ZNF583: variants seen among roughly 807,000 people sequenced by gnomAD.
ZNF583 encodes zinc finger protein 583.
Under a neutral mutation model 55.3 loss-of-function variants are expected in ZNF583, and 30 were observed. The ratio of observed to expected loss-of-function variants is 0.54; its 90% CI spans 0.41 to 0.74. The LOEUF (loss-of-function observed/expected upper bound fraction) is 0.74, where lower values mean the gene tolerates loss of function less well. Among genes scored for constraint, ZNF583 ranks in the 30% least tolerant of loss-of-function variants. The probability of loss-of-function intolerance (pLI) is 0.00; values close to 1 mark genes in which losing one functional copy is unlikely to be tolerated. For missense variants in ZNF583, 504 were observed against 664.7 expected (o/e 0.76, Z 2.66); for synonymous variants, 208 against 220.0 (o/e 0.95, Z 0.48).
At chr19:56,408,983 C>G (rs1251794433) in intron 2 of ZNF583, among the ~76,000 whole-genome samples, 2 of 151,750 alleles carry the variant, frequency 1.3e-5, no homozygotes, top group African/African-American at 4.8e-5. Context: ...ATTTGCCCCC[C>G]CATCCCCCTA....
rs1162277075 is a variant in ZNF583, at chr19:56,411,318, TG to T, written c.10-2635del. On this transcript the variant is annotated intron_variant, in intron 2 of 4. Transcript: ENST00000333201. ...AAAAAATAAAATTAAAACAAAGGAG[TG>T]GGGGGAAATCACTGAGGGTAGAAAT... Among the ~76,000 whole-genome samples, 7 of 151,014 alleles carry T rather than the reference TG, an allele frequency of 4.6e-5. No homozygotes were observed. The East Asian group carries it at 1.4e-3, about 29-fold the overall frequency.
At chr19:56,414,490 A>C in intron 4 of ZNF583, 50 bp downstream of exon 4, 55 of 1,527,150 alleles carry the variant, frequency 3.6e-5, no homozygotes, top group Non-Finnish European at 4.6e-5. Context: ...GGAAAAGCTC[A>C]GCAATTCTGA....
At chr19:56,415,658 G>C (rs751776457) in intron 4 of ZNF583, among the ~76,000 whole-genome samples, 6 of 152,114 alleles carry the variant, frequency 3.9e-5, no homozygotes, top group Non-Finnish European at 8.8e-5. Flanking sequence ...CCACCTCCCA[G>C]GTTCAAGCAA....
intron 4 of ZNF583, among the ~76,000 whole-genome samples, chr19:56,415,212 G>A (rs563285383): frequency 6.6e-6 from 1 of 151,946 alleles, no homozygotes; most frequent in South Asian, 2.1e-4. Flanking sequence ...CACCAACAAA[G>A]AAAAAAGAAA....
In ZNF583 at chr19:56,404,924, ACTGTGTGTGTGAC is replaced by A. The variant is rs1196030708; in HGVS notation, c.-90+484_-90+496del. Among the ~76,000 whole-genome samples, 4 of 152,136 alleles carry A rather than the reference ACTGTGTGTGTGAC, an allele frequency of 2.6e-5. No homozygotes were observed. The highest frequency in any genetic ancestry group is 9.6e-5 in the African/African-American group (4 of 41,510). On this transcript the variant is annotated intron_variant, in intron 1 of 4. Transcript: ENST00000333201. This position sits in a 1 kb window ranked among gnomAD's most constrained non-coding sequence, Gnocchi z 5.2. ...TGTGAACAGTGTGTAAGACCATGTC[ACTGTGTGTGTGAC>A]CTGTGTGTGTGGGATAATGTAAGAC...
At chr19:56,415,013 C>T (rs1174023606) in intron 4 of ZNF583, among the ~76,000 whole-genome samples, 3 of 102,720 alleles carry the variant, frequency 2.9e-5, no homozygotes, top group African/African-American at 6.2e-5. Context: ...AAGAGCCTGT[C>T]TAAAAAAAAA....
In ZNF583 at chr19:56,424,476, C is replaced by A. The variant is rs950592736; in HGVS notation, c.*108C>A. 7 of 601,562 alleles carry A rather than the reference C, an allele frequency of 1.2e-5. No individual in the cohort carries two copies. Among genetic ancestry groups the A allele is most frequent in the African/African-American group, 9.3e-5 (5 of 53,900 alleles). The allele number at this position is 601,562 out of a possible 1,614,324, so 37.3% of individuals were successfully genotyped here. On this transcript the variant is annotated 3_prime_UTR_variant, in exon 5 of 5. Coordinates refer to ENST00000333201, the MANE Select transcript of ZNF583 (RefSeq NM_152478.3). ...CTCGAGTAGCTTTCTAATTGGTCTC[C>A]TTGTACTCACCATTGTCTCTGTCAG...
chr19:56,404,918 C>G lies in ZNF583; in HGVS notation c.-90+466C>G, dbSNP rs1029817613. On this transcript the variant is annotated intron_variant, in intron 1 of 4. Coordinates refer to ENST00000333201, the MANE Select transcript of ZNF583 (RefSeq NM_152478.3). The surrounding 1 kb of genome is among the most constrained non-coding windows in gnomAD (Gnocchi z 5.2). Reference sequence around the variant, plus strand: ...ACCACGTGTGAACAGTGTGTAAGACCATGTCACTGTGTGTGTGACCTGTGT... The same window carrying G: ...ACCACGTGTGAACAGTGTGTAAGACGATGTCACTGTGTGTGTGACCTGTGT... 6.6e-6 allele frequency among the ~76,000 whole-genome samples: 1 copy of G among 151,800 alleles called. No individual in the cohort carries two copies. The highest frequency in any genetic ancestry group is 6.6e-5 in the Admixed American group (1 of 15,266).
chr19:56,412,647 A>G (rs1022765276), intron 2 of ZNF583, among the ~76,000 whole-genome samples: 23 of 152,208 alleles, frequency 1.5e-4, no homozygotes, highest in Admixed American at 7.9e-4. Context: ...TAGTGGGGTT[A>G]TCAAGAGCTG....
chr19:56,413,218 C>T (rs2042264998), intron 2 of ZNF583, among the ~76,000 whole-genome samples: 1 of 152,106 alleles, frequency 6.6e-6, no homozygotes, highest in African/African-American at 2.4e-5. Context: ...CGTGAGATAC[C>T]TTAGGTCATC....
Position 56,423,257 on chromosome 19 carries a change from T to A in ZNF583, c.599T>A (p.Met200Lys), listed in dbSNP as rs534658257. The A allele has an allele frequency of 1.2e-6, 2 of 1,610,586 alleles. No homozygotes were observed. The highest frequency in any genetic ancestry group is 4.5e-5 in the East Asian group (2 of 44,880). The change falls in exon 5 of 5, where the codon ATG becomes AAG. Residue 200 changes from methionine (M) to lysine (K), a missense_variant. Around this residue, in one of 3 missense-constraint regions of ZNF583, gnomAD observed 204 missense variants for 235.2 expected, o/e 0.87. Transcript: ENST00000333201. ...AGTTACCGAAAAAAATCTGTTGAAA[T>A]GAAACATAGGAAAGTCTATGTAGAA... ...KKSYRKKSVE[M>K]KHRKVYVEKK...
intron 1 of ZNF583, among the ~76,000 whole-genome samples, chr19:56,406,530 CTTTT>C (rs34274240): frequency 8.7e-6 from 1 of 115,238 alleles, no homozygotes; most frequent in Non-Finnish European, 1.7e-5. Context: ...ATGTTGTATT[CTTTT>C]TTTTTTTTTT....
At chr19:56,406,345 GT>G (rs1325367944) in intron 1 of ZNF583, among the ~76,000 whole-genome samples, 1 of 152,142 alleles carries the variant, frequency 6.6e-6, no homozygotes, top group Non-Finnish European at 1.5e-5. Context: ...AGAATTAAAA[GT>G]TAGAACTGGT....
In ZNF583 at chr19:56,425,996, T is replaced by C. The variant is rs890060189; in HGVS notation, c.*1628T>C. 3.3e-5 allele frequency: 5 copies of C among 152,306 alleles called. No homozygotes were observed. Among genetic ancestry groups the C allele is most frequent in the African/African-American group, 1.2e-4 (5 of 41,570 alleles). 9.4% of individuals were successfully genotyped at this position (152,306 alleles called of 1,614,324 possible). On this transcript the variant is annotated 3_prime_UTR_variant, in exon 5 of 5. Coordinates refer to ENST00000333201, the MANE Select transcript of ZNF583 (RefSeq NM_152478.3). ...CATGTGACTATAGATACAAACAGAA[T>C]GACGAAAGTTTAATGGAGGATGAAA...
At chr19:56,408,333 T>C (rs1177971434) in intron 2 of ZNF583, among the ~76,000 whole-genome samples, 2 of 152,220 alleles carry the variant, frequency 1.3e-5, no homozygotes, top group African/African-American at 4.8e-5. Flanking sequence ...TCTGTGATGA[T>C]TGACAATAGA....
chr19:56,415,677 C>T (rs1211917739), intron 4 of ZNF583, among the ~76,000 whole-genome samples: 1 of 152,164 alleles, frequency 6.6e-6, no homozygotes, highest in African/African-American at 2.4e-5. Context: ...AATTCTCCTG[C>T]CTCAGCCACC....
rs1248865989 is a variant in ZNF583 at position 56,425,446 on chromosome 19, G to C, written c.*1078G>C. 1 of 152,222 alleles carries C rather than the reference G, an allele frequency of 6.6e-6. No homozygotes were observed. The highest frequency in any genetic ancestry group is 1.5e-5 in the Non-Finnish European group (1 of 68,074). The allele number at this position is 152,222 out of a possible 1,614,324, so 9.4% of individuals were successfully genotyped here. On this transcript the variant is annotated 3_prime_UTR_variant, in exon 5 of 5. Coordinates refer to ENST00000333201, the MANE Select transcript of ZNF583 (RefSeq NM_152478.3). ...GCTTTTCTCTAACTCCTGACGTCCG[G>C]TGATCCGCCTGCCTTGGCCTCCCAA...
In ZNF583 at chr19:56,414,144, T is replaced by C. The variant is rs987303828; in HGVS notation, c.136+59T>C. The C allele has an allele frequency of 2.6e-6, 4 of 1,550,408 alleles. No individual in the cohort carries two copies. In the African/African-American group the frequency reaches 5.5e-5, roughly 21 times the overall value. On this transcript the variant is annotated intron_variant, in intron 3 of 4. Coordinates refer to ENST00000333201, the MANE Select transcript of ZNF583 (RefSeq NM_152478.3). ...CATGGGACTGAGCTCCAATGTAATA[T>C]TTGGGAAACCTCTGACGTGCTTCAC...
In ZNF583 at chr19:56,423,841, C is replaced by G; in HGVS notation, c.1183C>G (p.Leu395Val). 1 of 1,613,962 alleles carries G rather than the reference C, an allele frequency of 6.2e-7. No homozygotes were observed. The highest frequency in any genetic ancestry group is 1.1e-5 in the South Asian group (1 of 91,068). The stretch of plus-strand genomic sequence containing the variant: ...GAAAGCCTTCAGCCAGTATGCACAC[C>G]TTGCTCAACATCAGAGAGTTCATAC... The part of the protein sequence containing the change: ...CRKAFSQYAH[L>V]AQHQRVHTGE... The change falls in exon 5 of 5, where the codon CTT becomes GTT. Residue 395 changes from leucine (L) to valine (V), a missense_variant. Around this residue, in one of 3 missense-constraint regions of ZNF583, gnomAD observed 237 missense variants for 373.0 expected, o/e 0.64. Transcript: ENST00000333201.
Sources: allele counts gnomAD v4.1 joint callset (sites outside exome capture counted in the v4.1 genomes callset), GRCh38; gene constraint gnomAD v4.1.1; regional missense constraint gnomAD v4.1.1; non-coding constraint Gnocchi (gnomAD v3.1); transcripts MANE v1.5; gene names NCBI Gene and HGNC (gene_info 2026-07-23, HGNC 2026-07-21).